The following PDE11A variants were observed in gnomAD, a reference collection of about 807,000 sequenced individuals.
PDE11A encodes phosphodiesterase 11A.
In PDE11A, 100 loss-of-function variants were observed where a neutral mutation model predicts 100.5. The ratio of observed to expected loss-of-function variants is 1.00; its 90% confidence interval spans 0.85 to 1.18. The LOEUF (loss-of-function observed/expected upper bound fraction) is 1.18, where lower values mean the gene tolerates loss of function less well. Ranked by LOEUF, PDE11A falls within the 50% of genes most tolerant of loss-of-function variation. The pLI is 0.00. For synonymous variants in PDE11A, 381 were observed against 420.8 expected (o/e 0.91, Z 1.16); for missense variants, 1,141 against 1,152.6 (o/e 0.99, Z 0.15).
At chr2:177,713,856 T>C (rs1344130205) in intron 12 of PDE11A, among the ~76,000 whole-genome samples, 1 of 152,166 alleles carries the variant, frequency 6.6e-6, no homozygotes, top group Non-Finnish European at 1.5e-5. Flanking sequence ...AAATTCAAAT[T>C]ATACTGAGAC....
chr2:177,706,728 G>A (rs998969042), intron 13 of PDE11A, among the ~76,000 whole-genome samples: 19 of 152,122 alleles, frequency 1.2e-4, no homozygotes, highest in Non-Finnish European at 2.2e-4. Context: ...TAATTGTCTT[G>A]AGAAAAACGC....
chr2:177,641,460 C>T (rs988493054), intron 19 of PDE11A, among the ~76,000 whole-genome samples: 3 of 146,934 alleles, frequency 2.0e-5, no homozygotes, highest in Non-Finnish European at 3.0e-5. Flanking sequence ...CCACATGGTG[C>T]GTTTGGCAGG....
intron 19 of PDE11A, among the ~76,000 whole-genome samples, chr2:177,630,475 A>G (rs900680707): frequency 6.6e-6 from 1 of 152,098 alleles, no homozygotes; most frequent in Non-Finnish European, 1.5e-5. Context: ...TCTCCAAGAT[A>G]GGGGGTAACA....
Position 177,995,919 on chromosome 2 carries a change from C to T in PDE11A, c.1071+18383G>A, listed in dbSNP as rs2086067015. On this transcript the variant is annotated intron_variant, in intron 2 of 19. Coordinates refer to ENST00000286063, the MANE Select transcript of PDE11A (RefSeq NM_016953.4). Reference sequence around the variant, plus strand: ...GGCTGTATTTCACCAATAGCAATCTCCAATTTGTCTTTGAAAATGCAGCCT... The same window carrying T: ...GGCTGTATTTCACCAATAGCAATCTTCAATTTGTCTTTGAAAATGCAGCCT... Among the ~76,000 whole-genome samples the T allele has an allele frequency of 2.6e-5, 4 of 152,126 alleles. No individual in the cohort carries two copies. The South Asian group carries it at 8.3e-4, about 32-fold the overall frequency.
rs1254195545 is a variant in PDE11A at position 177,875,909 on chromosome 2, G to A, written c.1317C>T (p.Thr439=). ...EDIESPVVKF[T]KSFELMSPKC... The stretch of plus-strand genomic sequence containing the variant: ...TTGGGGACATCAATTCAAAGGATTT[G>A]GTAAATTTCACCACCTGTCGCATAG... Residue 439 remains threonine (T), a synonymous_variant, in exon 5 of 20, where the codon ACC becomes ACT. Transcript: ENST00000286063. 4 of 1,609,320 alleles carry A rather than the reference G, an allele frequency of 2.5e-6. No individual in the cohort carries two copies. In the African/African-American group the frequency reaches 4.0e-5, roughly 16 times the overall value.
At chr2:178,066,327 C>T (rs2087042859) in intron 1 of PDE11A, among the ~76,000 whole-genome samples, 1 of 152,120 alleles carries the variant, frequency 6.6e-6, no homozygotes, top group Non-Finnish European at 1.5e-5. Context: ...GAGCATGTGA[C>T]CAGTGCAGTG....
intron 16 of PDE11A, among the ~76,000 whole-genome samples, chr2:177,676,484 G>A (rs2080776061): frequency 6.6e-6 from 1 of 152,200 alleles, no homozygotes. Context: ...CTAATGCCTT[G>A]GAAACATGTC....
At chr2:177,765,342 T>G (rs1470427264) in intron 10 of PDE11A, among the ~76,000 whole-genome samples, 4 of 152,232 alleles carry the variant, frequency 2.6e-5, no homozygotes. Context: ...AAATCAATCT[T>G]CCTTTAGGCC....
intron 1 of PDE11A, among the ~76,000 whole-genome samples, chr2:178,032,483 C>CAAA (rs11357476): frequency 7.8e-6 from 1 of 128,350 alleles, no homozygotes; most frequent in Non-Finnish European, 1.7e-5. Context: ...GACCCCATCT[C>CAAA]AAAAAAAAAA....
intron 2 of PDE11A, among the ~76,000 whole-genome samples, chr2:177,950,641 C>T (rs1425381436): frequency 6.6e-6 from 1 of 152,160 alleles, no homozygotes; most frequent in East Asian, 1.9e-4. Context: ...AATGCTTCGT[C>T]CTTCTCACGC....
chr2:177,907,464 T>A (rs1347031917), intron 2 of PDE11A, among the ~76,000 whole-genome samples: 1 of 152,254 alleles, frequency 6.6e-6, no homozygotes, highest in African/African-American at 2.4e-5. Context: ...GTGTCAGGGA[T>A]GATGTTAAGC....
intron 19 of PDE11A, among the ~76,000 whole-genome samples, chr2:177,631,616 C>CATATATGTGTGTGTATATATATACAT (rs1559117642): frequency 8.9e-5 from 9 of 101,098 alleles, no homozygotes; most frequent in African/African-American, 3.7e-4. Flanking sequence ...TATATATATA[C>CATATATGTGTGTGTATATATATACAT]ATATATGTGT....
intron 19 of PDE11A, among the ~76,000 whole-genome samples, chr2:177,660,843 AC>A (rs1257653879): frequency 6.6e-6 from 1 of 152,210 alleles, no homozygotes; most frequent in Admixed American, 6.5e-5. Context: ...ATGAAGTAAA[AC>A]TGAACTACCC....
At chr2:177,880,769 CT>C (rs2084318550) in intron 4 of PDE11A, among the ~76,000 whole-genome samples, 1 of 152,148 alleles carries the variant, frequency 6.6e-6, no homozygotes, top group South Asian at 2.1e-4. Context: ...TCATTAGTGT[CT>C]TTAGAAGAAA....
In PDE11A at chr2:177,794,709, C is replaced by T. The variant is rs188384815; in HGVS notation, c.1737+22120G>A. 2.7e-3 allele frequency among the ~76,000 whole-genome samples: 408 copies of T among 152,230 alleles called. 6 individuals are homozygous for T. The highest frequency in any genetic ancestry group is 9.6e-3 in the African/African-American group (398 of 41,528). The stretch of plus-strand genomic sequence containing the variant: ...ATGATTCCCACCCCTACCCCTACAC[C>T]GACCCCCCAACACACCCGACAAACG... On this transcript the variant is annotated intron_variant, in intron 9 of 19. Transcript: ENST00000286063.
At chr2:177,995,406 G>A (rs1261400642) in intron 2 of PDE11A, among the ~76,000 whole-genome samples, 2 of 152,050 alleles carry the variant, frequency 1.3e-5, no homozygotes, top group Non-Finnish European at 2.9e-5. Flanking sequence ...TTCTAACAAA[G>A]GAATTTTGCT....
intron 2 of PDE11A, among the ~76,000 whole-genome samples, chr2:177,957,907 T>G (rs2085584411): frequency 1.5e-5 from 2 of 129,038 alleles, no homozygotes; most frequent in Non-Finnish European, 3.2e-5. Context: ...GTTTTTCCAA[T>G]GCCTTTTTTT....
chr2:178,062,445 G>A (rs2086984620), intron 1 of PDE11A, among the ~76,000 whole-genome samples: 1 of 152,090 alleles, frequency 6.6e-6, no homozygotes, highest in Admixed American at 6.5e-5. Flanking sequence ...GGCTAACAGG[G>A]AAGTGTGAGT....
chr2:177,875,301 T>A (rs1461392912), intron 5 of PDE11A, among the ~76,000 whole-genome samples: 1 of 151,748 alleles, frequency 6.6e-6, no homozygotes, highest in African/African-American at 2.4e-5. Context: ...ATTTTAATCC[T>A]ATTACAAGTA....
Sources: gnomAD v4.1 joint callset for allele counts (sites outside exome capture counted in the v4.1 genomes callset) on GRCh38, gnomAD v4.1.1 for gene constraint, MANE v1.5 for transcripts, NCBI Gene and HGNC (gene_info 2026-07-23, HGNC 2026-07-21) for gene names.